DOCK3: variants seen among roughly 807,000 people sequenced by gnomAD.
The protein encoded by DOCK3 is dedicator of cytokinesis 3, also known as dedicator of cytokinesis protein 3.
In DOCK3, 60 loss-of-function variants were observed where a neutral mutation model predicts 265.6. That is an observed-to-expected ratio of 0.23 (90% CI 0.18 to 0.28). The LOEUF (loss-of-function observed/expected upper bound fraction) is 0.28. Ranked by LOEUF, DOCK3 falls within the 10% of genes least tolerant of loss-of-function variation. DOCK3 has a pLI of 1.00. For synonymous variants in DOCK3, 881 were observed against 938.0 expected, an observed-to-expected ratio of 0.94 and a Z score of 1.11; for missense variants, 1,981 against 2,594.3, an observed-to-expected ratio of 0.76 and a Z score of 5.14.
At chr3:51,055,306 C>G (rs997299040) in intron 5 of DOCK3, among the ~76,000 whole-genome samples, 15 of 152,178 alleles carry the variant, frequency 9.9e-5, no homozygotes, top group South Asian at 2.1e-4. Flanking sequence ...TCAGAGATTT[C>G]TGGTACCTCC....
intron 9 of DOCK3, among the ~76,000 whole-genome samples, chr3:51,103,754 T>A (rs543401725): frequency 6.6e-6 from 1 of 152,306 alleles, no homozygotes; most frequent in South Asian, 2.1e-4. Context: ...TACATTTCTT[T>A]GGCCAAGTTG....
chr3:51,362,799 CT>C, intron 49 of DOCK3, 125 bp downstream of exon 49: 1 of 1,369,254 alleles, frequency 7.3e-7, no homozygotes, highest in Non-Finnish European at 9.8e-7. Flanking sequence ...CTCATTTGTG[CT>C]TTTACCACTA....
intron 2 of DOCK3, among the ~76,000 whole-genome samples, chr3:50,803,141 G>A (rs929263687): frequency 3.6e-4 from 55 of 151,724 alleles, no homozygotes; most frequent in Admixed American, 1.4e-3. Flanking sequence ...TGGCAGGGTC[G>A]TAGGACAATA....
Position 51,237,539 on chromosome 3 carries a change from C to A in DOCK3, c.2051C>A (p.Pro684His). The change falls in exon 21 of 53, where the codon CCT becomes CAT. Residue 684 changes from proline to histidine, a missense_variant. By Grantham distance (77) the Pro-to-His change is moderately conservative (BLOSUM62 -2). Around this residue, in one of 4 missense-constraint regions of DOCK3, gnomAD observed 1,357 missense variants for 1,866.8 expected, o/e 0.73. Transcript: ENST00000266037. ...GACATCAAGTATTTTCACTTTCGAC[C>A]TGTGATGGACACGTATATCCAGAAG... ...LRDIKYFHFRPVMDTYIQKHF... is the reference protein window; with the variant it reads ...LRDIKYFHFRHVMDTYIQKHF... The A allele has an allele frequency of 1.2e-6, 2 of 1,613,174 alleles. No individual in the cohort carries two copies. The highest frequency in any genetic ancestry group is 1.7e-6 in the Non-Finnish European group (2 of 1,179,682).
At chr3:50,918,743 G>A (rs940862180) in intron 4 of DOCK3, among the ~76,000 whole-genome samples, 1 of 152,168 alleles carries the variant, frequency 6.6e-6, no homozygotes, top group Non-Finnish European at 1.5e-5. Context: ...TTCTTTTGCT[G>A]TGTAGAAGCT....
chr3:51,109,409 T>C (rs752356278), intron 9 of DOCK3, among the ~76,000 whole-genome samples: 11 of 152,014 alleles, frequency 7.2e-5, no homozygotes, highest in Non-Finnish European at 1.2e-4. Flanking sequence ...TAAACACTCA[T>C]ATCAAAAAGC....
chr3:51,353,430 G>A (rs1352829838), intron 40 of DOCK3, among the ~76,000 whole-genome samples: 1 of 152,134 alleles, frequency 6.6e-6, no homozygotes, highest in African/African-American at 2.4e-5. Flanking sequence ...TGGCCAACAT[G>A]GTGAAACCCC....
rs150774645 is a variant in DOCK3 at position 50,918,186 on chromosome 3, T to A, written c.219-15795T>A. On this transcript the variant is annotated intron_variant, in intron 4 of 52. Coordinates refer to ENST00000266037, the MANE Select transcript of DOCK3 (RefSeq NM_004947.5). The stretch of plus-strand genomic sequence containing the variant: ...GATGGACATTTGGGTTGGTTCCAAG[T>A]CTTTGCTATTGTGAATAGTGCCACA... Among the ~76,000 whole-genome samples the A allele has an allele frequency of 1.3e-4, 20 of 152,250 alleles. No homozygotes were observed. In the East Asian group the frequency reaches 2.7e-3, roughly 21 times the overall value.
chr3:51,351,621 C>T (rs1576903014), intron 40 of DOCK3, among the ~76,000 whole-genome samples: 2 of 144,680 alleles, frequency 1.4e-5, no homozygotes, highest in Middle Eastern at 7.2e-3. Context: ...AGGAGTGTTT[C>T]TAGTAGCAGA....
chr3:51,062,096 C>G (rs2081431294), intron 5 of DOCK3, among the ~76,000 whole-genome samples: 1 of 152,154 alleles, frequency 6.6e-6, no homozygotes, highest in African/African-American at 2.4e-5. Context: ...ACTAAATAGC[C>G]TCCTGACTGG....
At chr3:51,051,542 G>A (rs2080993805) in intron 5 of DOCK3, among the ~76,000 whole-genome samples, 1 of 152,016 alleles carries the variant, frequency 6.6e-6, no homozygotes, top group Admixed American at 6.6e-5. Context: ...TTTTCTTTTT[G>A]TAAAGGGGTG....
In DOCK3 at chr3:51,030,574, T is replaced by A. The variant is rs142226243; in HGVS notation, c.316-33874T>A. ...GTGTGTTGTTTACCTTCTTGTCAAGTTCTGGATCCAATTTTTGTCTCCAAA... is the reference window on the plus strand; with the variant it reads ...GTGTGTTGTTTACCTTCTTGTCAAGATCTGGATCCAATTTTTGTCTCCAAA... On this transcript the variant is annotated intron_variant, in intron 5 of 52. Transcript: ENST00000266037. Among the ~76,000 whole-genome samples the A allele has an allele frequency of 7.0e-4, 107 of 152,292 alleles. 1 individual carries two copies. Among genetic ancestry groups the A allele is most frequent in the East Asian group, 6.4e-3 (33 of 5,186 alleles).
chr3:50,780,185 A>G (rs901221563), intron 2 of DOCK3, among the ~76,000 whole-genome samples: 1 of 152,266 alleles, frequency 6.6e-6, no homozygotes, highest in African/African-American at 2.4e-5. Flanking sequence ...AACTAAGAAT[A>G]GAAGGTAATT....
chr3:51,186,994 C>G (rs1316272361), intron 12 of DOCK3, among the ~76,000 whole-genome samples: 1 of 152,220 alleles, frequency 6.6e-6, no homozygotes, highest in African/African-American at 2.4e-5. Context: ...AGAGTCCCTA[C>G]TGAGGCACTG....
chr3:51,271,405 C>T (rs2080486335), intron 24 of DOCK3, among the ~76,000 whole-genome samples: 1 of 152,170 alleles, frequency 6.6e-6, no homozygotes, highest in Admixed American at 6.5e-5. Context: ...TCATAGACAG[C>T]TGTCTTCTCT....
chr3:50,828,336 A>G (rs1332803218), intron 2 of DOCK3, among the ~76,000 whole-genome samples: 1 of 152,128 alleles, frequency 6.6e-6, no homozygotes, highest in Non-Finnish European at 1.5e-5. Context: ...CTTGTCTTTT[A>G]TGCAACTATG....
intron 9 of DOCK3, among the ~76,000 whole-genome samples, chr3:51,117,558 C>T (rs983263422): frequency 2.6e-5 from 4 of 152,098 alleles, no homozygotes; most frequent in African/African-American, 9.7e-5. Context: ...CCTCTTTATA[C>T]CTCTAGTAGA....
In DOCK3 at chr3:50,948,434, C is replaced by T. The variant is rs139080220; in HGVS notation, c.315+14357C>T. Among the ~76,000 whole-genome samples, 687 of 121,030 alleles carry T rather than the reference C, an allele frequency of 5.7e-3. 2 individuals are homozygous for T. The highest frequency in any genetic ancestry group is 0.014 in the Middle Eastern group (2 of 148). The allele number at this position is 121,030 out of a possible 152,430, so 79.4% of individuals were successfully genotyped here. Reference sequence around the variant, plus strand: ...TTTTTTTTTTTTTTAGTCAGAGTCTCGCTCTGACTCCCAGGCTGGAATGCA... The same window carrying T: ...TTTTTTTTTTTTTTAGTCAGAGTCTTGCTCTGACTCCCAGGCTGGAATGCA... On this transcript the variant is annotated intron_variant, in intron 5 of 52. Transcript: ENST00000266037.
intron 5 of DOCK3, among the ~76,000 whole-genome samples, chr3:50,942,243 T>C (rs1426011132): frequency 1.3e-5 from 2 of 152,020 alleles, no homozygotes; most frequent in African/African-American, 2.4e-5. Context: ...ATGATTGACA[T>C]TTTCTTCCTG....
Sources: gnomAD v4.1 joint callset for allele counts (sites outside exome capture counted in the v4.1 genomes callset) on GRCh38, gnomAD v4.1.1 for gene constraint, gnomAD v4.1.1 regional missense constraint, MANE v1.5 for transcripts, NCBI Gene and HGNC (gene_info 2026-07-23, HGNC 2026-07-21) for gene names.